The following GPHN variants were observed in gnomAD, a reference collection of about 807,000 sequenced individuals.
GPHN encodes gephyrin.
In GPHN, 17 loss-of-function variants were observed where a neutral mutation model predicts 95.5. The observed-to-expected ratio is 0.18, with a 90% CI of 0.12 to 0.27. The LOEUF (loss-of-function observed/expected upper bound fraction) is 0.27, where lower values mean the gene tolerates loss of function less well. Ranked by LOEUF, GPHN falls within the 10% of genes least tolerant of loss-of-function variation. The pLI is 1.00. For missense variants in GPHN, 660 were observed against 978.1 expected, an observed-to-expected ratio of 0.67 and a Z score of 4.34; for synonymous variants, 320 against 322.5, an observed-to-expected ratio of 0.99 and a Z score of 0.08.
intron 1 of GPHN, among the ~76,000 whole-genome samples, chr14:66,665,417 G>A (rs7142480): frequency 0.33 from 49,883 of 152,012 alleles, 12,004 homozygotes; most frequent in African/African-American, 0.66. Context: ...AAAACAAACA[G>A]CACCATCAAC....
intron 1 of GPHN, among the ~76,000 whole-genome samples, chr14:66,614,071 T>C (rs1483731773): frequency 1.3e-5 from 2 of 152,178 alleles, no homozygotes; most frequent in African/African-American, 4.8e-5. Context: ...GGAGAGATAC[T>C]ATACCTTTGT....
chr14:67,455,678 T>C, the GPHN span, among the ~76,000 whole-genome samples: 7 of 152,336 alleles, frequency 4.6e-5, 1 homozygote, highest in South Asian at 1.4e-3. Context: ...TTTAAAATAA[T>C]CATTTATTTA....
At chr14:67,729,966 G>A in the GPHN span, 8 of 375,092 alleles carry the variant, frequency 2.1e-5, no homozygotes, top group Non-Finnish European at 3.1e-5. Context: ...CTGTTGTCCC[G>A]CTTTGTTCAA....
chr14:67,390,561 A>C, the GPHN span: 20 of 806,202 alleles, frequency 2.5e-5, no homozygotes, highest in African/African-American at 1.7e-4. Flanking sequence ...GGCGGGTGCC[A>C]GGGGAAGGCA....
chr14:66,804,505 T>C (rs1330469822), intron 3 of GPHN, among the ~76,000 whole-genome samples: 1 of 152,210 alleles, frequency 6.6e-6, no homozygotes, highest in African/African-American at 2.4e-5. Context: ...CTACAATTGC[T>C]CCAAGGAGAA....
intron 2 of GPHN, among the ~76,000 whole-genome samples, chr14:66,704,701 C>G (rs747180634): frequency 6.6e-6 from 1 of 152,078 alleles, no homozygotes; most frequent in Non-Finnish European, 1.5e-5. Context: ...ATGCCCACAT[C>G]AGAAAGCTAG....
At chr14:67,361,702 G>C in the GPHN span, among the ~76,000 whole-genome samples, 2 of 152,166 alleles carry the variant, frequency 1.3e-5, no homozygotes, top group Non-Finnish European at 2.9e-5. Flanking sequence ...CTGGAGTTTG[G>C]TTGATATATT....
At chr14:67,185,999 G>C (rs548078229), downstream of GPHN, among the ~76,000 whole-genome samples, 2 of 152,148 alleles carry the variant, frequency 1.3e-5, no homozygotes, top group Non-Finnish European at 2.9e-5. Flanking sequence ...TTGACTCTCT[G>C]TGTTATGTTG....
At chr14:67,327,187 T>A in the GPHN span, among the ~76,000 whole-genome samples, 272 of 151,954 alleles carry the variant, frequency 1.8e-3, no homozygotes, top group African/African-American at 4.0e-3. Flanking sequence ...AAAGAAAAAA[T>A]TTTTTTTGAG....
At chr14:66,851,947 A>G (rs1269868709) in intron 4 of GPHN, among the ~76,000 whole-genome samples, 2 of 152,206 alleles carry the variant, frequency 1.3e-5, no homozygotes, top group African/African-American at 4.8e-5. Context: ...AGAAAGGGAC[A>G]TATGATTTTC....
chr14:67,387,555 T>A, the GPHN span: 1 of 1,172,054 alleles, frequency 8.5e-7, no homozygotes, highest in Non-Finnish European at 1.2e-6. Flanking sequence ...GACAAAAACA[T>A]ACAATGATGT....
At chr14:67,487,585 GT>G in the GPHN span, among the ~76,000 whole-genome samples, 3 of 152,148 alleles carry the variant, frequency 2.0e-5, no homozygotes, top group African/African-American at 7.2e-5. Context: ...TAGGACATTC[GT>G]TTCAGCACTT....
chr14:66,729,824 GT>G (rs1566879010), intron 2 of GPHN, among the ~76,000 whole-genome samples: 2 of 152,198 alleles, frequency 1.3e-5, no homozygotes, highest in Non-Finnish European at 2.9e-5. Context: ...TAGTCAATGG[GT>G]TGTCAGAAAG....
At chr14:67,024,951 G>A (rs1010420354) in intron 10 of GPHN, among the ~76,000 whole-genome samples, 6 of 151,898 alleles carry the variant, frequency 4.0e-5, no homozygotes, top group African/African-American at 1.5e-4. Context: ...CACAATTATT[G>A]CTTGCCCAAG....
At chr14:67,356,550 T>C in the GPHN span, among the ~76,000 whole-genome samples, 3 of 152,106 alleles carry the variant, frequency 2.0e-5, no homozygotes, top group African/African-American at 7.2e-5. Context: ...AAAGGGACTT[T>C]AGACATTAAC....
chr14:66,631,444 A>AT (rs1479201164), intron 1 of GPHN, among the ~76,000 whole-genome samples: 1 of 152,106 alleles, frequency 6.6e-6, no homozygotes, highest in Non-Finnish European at 1.5e-5. Context: ...ACTTCAAGTA[A>AT]TTTTTGTTTT....
the GPHN span, among the ~76,000 whole-genome samples, chr14:67,656,833 GA>G: frequency 6.6e-6 from 1 of 152,196 alleles, no homozygotes; most frequent in South Asian, 2.1e-4. Context: ...GCGAGGCAAG[GA>G]AAGATGGATT....
intron 4 of GPHN, among the ~76,000 whole-genome samples, chr14:66,879,379 GA>G (rs1374433957): frequency 3.0e-4 from 43 of 143,472 alleles, no homozygotes; most frequent in Middle Eastern, 3.5e-3. Context: ...GGAGAAATCT[GA>G]AAAAAAAAAG....
rs180886652 is a variant in GPHN at position 67,056,208 on chromosome 14, C to T, written c.1007-2441C>T. Reference sequence around the variant, plus strand: ...CCATTTTACAGAGAGCTGATTGGTCCGTTTTCACAGGTTGCTGATTGGTGC... The same window carrying T: ...CCATTTTACAGAGAGCTGATTGGTCTGTTTTCACAGGTTGCTGATTGGTGC... On this transcript the variant is annotated intron_variant, in intron 10 of 22. Coordinates refer to ENST00000478722, the MANE Select transcript of GPHN (RefSeq NM_020806.5). Among the ~76,000 whole-genome samples, 8 of 152,338 alleles carry T rather than the reference C, an allele frequency of 5.3e-5. No homozygotes were observed. In the East Asian group the frequency reaches 1.5e-3, roughly 29 times the overall value.
Sources: allele counts gnomAD v4.1 joint callset (sites outside exome capture counted in the v4.1 genomes callset), GRCh38; gene constraint gnomAD v4.1.1; transcripts MANE v1.5; gene names NCBI Gene and HGNC (gene_info 2026-07-23, HGNC 2026-07-21).